Variants in ADD2 observed in about 807,000 individuals in gnomAD.
ADD2 encodes the protein adducin 2, also known as beta-adducin.
A neutral mutation model predicts 83.0 loss-of-function variants in ADD2; 23 were observed. The observed-to-expected ratio is 0.28, with a 90% confidence interval of 0.20 to 0.39. The LOEUF is 0.39. Among genes scored for constraint, ADD2 ranks in the 10% least tolerant of loss-of-function variants. ADD2 has a pLI of 1.00. For synonymous variants in ADD2, 375 were observed against 375.4 expected (o/e 1.00, Z 0.01); for missense variants, 758 against 944.9 (o/e 0.80, Z 2.59).
At chr2:70,716,848 G>A (rs1574281834) in intron 1 of ADD2, among the ~76,000 whole-genome samples, 1 of 152,166 alleles carries the variant, frequency 6.6e-6, no homozygotes, top group African/African-American at 2.4e-5. Context: ...TAACTGAGTG[G>A]CTGGCCCCTC....
intron 10 of ADD2, among the ~76,000 whole-genome samples, chr2:70,680,178 G>A (rs1553369297): frequency 6.6e-6 from 1 of 152,042 alleles, no homozygotes; most frequent in Admixed American, 6.6e-5. Context: ...ATACCCCTAT[G>A]AGTTCACTTT....
At chr2:70,667,773 C>T (rs1335891232) in intron 15 of ADD2, among the ~76,000 whole-genome samples, 2 of 152,140 alleles carry the variant, frequency 1.3e-5, no homozygotes, top group Non-Finnish European at 2.9e-5. Context: ...CGCATGTCAC[C>T]ACGCCCAGCA....
intron 1 of ADD2, among the ~76,000 whole-genome samples, chr2:70,722,808 G>T (rs7574380): frequency 0.029 from 4,404 of 152,238 alleles, 221 homozygotes; most frequent in African/African-American, 0.099. Context: ...GATAAAAATG[G>T]AAATTGACCC....
At chr2:70,749,243 A>G (rs10202903) in intron 1 of ADD2, among the ~76,000 whole-genome samples, 103,212 of 151,972 alleles carry the variant, frequency 0.68, 36,930 homozygotes, top group East Asian at 0.9. Flanking sequence ...AGCATGGGGG[A>G]AACCACCTCC....
rs1675585874 is a variant in ADD2 at position 70,662,728 on chromosome 2, C to T, written c.*697G>A. The stretch of plus-strand genomic sequence containing the variant: ...TCCTGGCCTCTTATGTTGATGAAAC[C>T]ATCCCCAATCCTCAGCTTACATGGC... On this transcript the variant is annotated 3_prime_UTR_variant, in exon 16 of 16. Transcript: ENST00000264436. 1 of 152,204 alleles carries T rather than the reference C, an allele frequency of 6.6e-6. No homozygotes were observed. 9.4% of individuals were successfully genotyped at this position (152,204 alleles called of 1,614,324 possible).
At chr2:70,742,235 A>G (rs1168571088) in intron 1 of ADD2, among the ~76,000 whole-genome samples, 2 of 152,226 alleles carry the variant, frequency 1.3e-5, no homozygotes, top group Admixed American at 6.5e-5. Context: ...TTTGGTTAAG[A>G]AAGTGCTATT....
At chr2:70,688,151 C>CA (rs782474525) in intron 8 of ADD2, 29 bp from the exon 9 acceptor site, 6 of 1,579,772 alleles carry the variant, frequency 3.8e-6, no homozygotes, top group Non-Finnish European at 5.2e-6. Flanking sequence ...TCAATTAAAA[C>CA]CTTAAGTCCT....
chr2:70,702,163 T>C (rs1671616869), intron 4 of ADD2, among the ~76,000 whole-genome samples: 1 of 152,218 alleles, frequency 6.6e-6, no homozygotes, highest in South Asian at 2.1e-4. Context: ...TTCTAAAGTT[T>C]GATTTTTGTT....
chr2:70,764,122 A>T (rs576783733), intron 1 of ADD2, among the ~76,000 whole-genome samples: 24 of 151,916 alleles, frequency 1.6e-4, no homozygotes, highest in Admixed American at 1.3e-3. Flanking sequence ...TCCTGACCTC[A>T]GGTGATCCAC....
intron 5 of ADD2, 37 bp downstream of exon 5, chr2:70,696,208 T>C: frequency 6.3e-7 from 1 of 1,597,670 alleles, no homozygotes; most frequent in Non-Finnish European, 8.5e-7. Flanking sequence ...TGGGACCACA[T>C]GCAGTGCCCC....
At chr2:70,694,853 C>T (rs1257418702) in intron 6 of ADD2, among the ~76,000 whole-genome samples, 1 of 151,920 alleles carries the variant, frequency 6.6e-6, no homozygotes, top group East Asian at 1.9e-4. Flanking sequence ...CTGATTACCT[C>T]GCCTCTCTCC....
At chr2:70,669,467 C>T (rs1669810728) in intron 15 of ADD2, among the ~76,000 whole-genome samples, 1 of 152,136 alleles carries the variant, frequency 6.6e-6, no homozygotes, top group Non-Finnish European at 1.5e-5. Flanking sequence ...CTGAGAGTAC[C>T]ACTGATAAAA....
rs570487928 is a variant in ADD2, at chr2:70,749,455, T to G, written c.-154+18431A>C. 7.9e-5 allele frequency among the ~76,000 whole-genome samples: 12 copies of G among 152,272 alleles called. No homozygotes were observed. In the South Asian group the frequency reaches 2.5e-3, roughly 32 times the overall value. ...ACAAGGGCAACTTCCTGGTCACTAA[T>G]GCCAGGGGAAGTTATATGTGTGGCA... On this transcript the variant is annotated intron_variant, in intron 1 of 15. Transcript: ENST00000264436.
At chr2:70,668,145 T>A (rs1553366477) in intron 15 of ADD2, among the ~76,000 whole-genome samples, 1 of 152,226 alleles carries the variant, frequency 6.6e-6, no homozygotes, top group African/African-American at 2.4e-5. Flanking sequence ...GTGGCTTTCC[T>A]GTTCTAGAGC....
At chr2:70,672,791 G>C in intron 15 of ADD2, 87 bp downstream of exon 15, 1 of 1,432,602 alleles carries the variant, frequency 7.0e-7, no homozygotes, top group Non-Finnish European at 9.3e-7. Flanking sequence ...TTTCAGATTA[G>C]GGGCAACACG....
intron 1 of ADD2, among the ~76,000 whole-genome samples, chr2:70,735,735 CTTTT>C (rs1391704049): frequency 6.8e-6 from 1 of 147,878 alleles, no homozygotes; most frequent in Non-Finnish European, 1.5e-5. Context: ...GCTTTTCTTT[CTTTT>C]GAGATGGAGT....
chr2:70,763,584 T>G (rs1212272277), intron 1 of ADD2, among the ~76,000 whole-genome samples: 1 of 151,982 alleles, frequency 6.6e-6, no homozygotes, highest in African/African-American at 2.4e-5. Context: ...ACACCTATGC[T>G]TTACAGCTTT....
chr2:70,664,756 T>A (rs80349768), intron 15 of ADD2, among the ~76,000 whole-genome samples: 4,413 of 137,766 alleles, frequency 0.032, 221 homozygotes, highest in African/African-American at 0.11. Flanking sequence ...TGTGGGTGTG[T>A]GAGGGTGTGC....
intron 1 of ADD2, among the ~76,000 whole-genome samples, chr2:70,744,783 G>A (rs1553381687): frequency 6.6e-6 from 1 of 152,164 alleles, no homozygotes; most frequent in Non-Finnish European, 1.5e-5. Flanking sequence ...TGGGCGTGTG[G>A]GGGTCAGTTA....
Sources: gnomAD v4.1 joint callset for allele counts (sites outside exome capture counted in the v4.1 genomes callset) on GRCh38, gnomAD v4.1.1 for gene constraint, MANE v1.5 for transcripts, NCBI Gene and HGNC (gene_info 2026-07-23, HGNC 2026-07-21) for gene names.